GRM5: variants seen among roughly 807,000 people sequenced by gnomAD.
The protein encoded by GRM5 is glutamate metabotropic receptor 5, also known as metabotropic glutamate receptor 5.
A neutral mutation model predicts 83.1 loss-of-function variants in GRM5; 19 were observed. The ratio of observed to expected loss-of-function variants is 0.23; its 90% CI spans 0.16 to 0.34. The LOEUF (loss-of-function observed/expected upper bound fraction) is 0.34, where lower values mean the gene tolerates loss of function less well. GRM5 is among the 10% of genes least tolerant of loss of function. The pLI, the probability that GRM5 is intolerant of heterozygous loss-of-function variation, is 1.00. For synonymous variants in GRM5, 675 were observed against 633.6 expected, an observed-to-expected ratio of 1.07 and a Z score of -0.98; for missense variants, 1,160 against 1,588.3, an observed-to-expected ratio of 0.73 and a Z score of 4.58.
intron 5 of GRM5, among the ~76,000 whole-genome samples, 199 bp downstream of exon 5, chr11:88,604,519 A>G (rs1938087560): frequency 6.6e-6 from 1 of 152,206 alleles, no homozygotes; most frequent in Admixed American, 6.5e-5. Context: ...CACATTTTGG[A>G]CATCAGCACA....
intron 3 of GRM5, among the ~76,000 whole-genome samples, chr11:88,748,194 C>G (rs1438450972): frequency 1.3e-5 from 2 of 152,126 alleles, no homozygotes; most frequent in Non-Finnish European, 2.9e-5. Context: ...GTCTGATAAA[C>G]AGAGTTGTGT....
intron 3 of GRM5, among the ~76,000 whole-genome samples, chr11:88,713,148 A>C (rs1053268571): frequency 1.3e-5 from 2 of 152,074 alleles, no homozygotes; most frequent in African/African-American, 2.4e-5. Context: ...CCTCTTAGTC[A>C]CAGTGAACAT....
At chr11:88,802,330 C>T (rs1014574380) in intron 3 of GRM5, among the ~76,000 whole-genome samples, 4 of 151,962 alleles carry the variant, frequency 2.6e-5, no homozygotes, top group South Asian at 2.1e-4. Flanking sequence ...TGTATATATA[C>T]TATTTATAGT....
chr11:89,036,889 T>C (rs1306583494), intron 2 of GRM5, among the ~76,000 whole-genome samples: 1 of 152,192 alleles, frequency 6.6e-6, no homozygotes, highest in East Asian at 1.9e-4. Flanking sequence ...CACTCTCATA[T>C]ATTATCATAC....
intron 3 of GRM5, among the ~76,000 whole-genome samples, chr11:88,684,205 G>C (rs1252149617): frequency 6.6e-6 from 1 of 152,180 alleles, no homozygotes; most frequent in Non-Finnish European, 1.5e-5. Context: ...ACTTTGAATA[G>C]GTAGAGAGGA....
Position 88,815,469 on chromosome 11 carries a change from G to A in GRM5, c.911+34437C>T, listed in dbSNP as rs567243731. Among the ~76,000 whole-genome samples the A allele has an allele frequency of 4.7e-4, 72 of 152,282 alleles. 1 individual carries two copies. Among genetic ancestry groups the A allele is most frequent in the Admixed American group, 2.7e-3 (41 of 15,302 alleles). ...GAAAAGAAAGAAGGTTCTTAATTGA[G>A]TTTGTGTTGCTATAACAGAATACCA... On this transcript the variant is annotated intron_variant, in intron 3 of 9. Transcript: ENST00000305447.
intron 4 of GRM5, among the ~76,000 whole-genome samples, chr11:88,632,531 T>C (rs1939004500): frequency 6.6e-6 from 1 of 152,106 alleles, no homozygotes; most frequent in Non-Finnish European, 1.5e-5. Flanking sequence ...ATTTTTGCTG[T>C]GTTGTTGGGT....
chr11:88,723,816 C>CTCTT (rs1186514994), intron 3 of GRM5, among the ~76,000 whole-genome samples: 8 of 152,208 alleles, frequency 5.3e-5, no homozygotes, highest in Admixed American at 5.2e-4. Context: ...TCACTTCAGG[C>CTCTT]TCTTTGTTCA....
chr11:88,785,940 C>A (rs1218365557), intron 3 of GRM5, among the ~76,000 whole-genome samples: 1 of 151,978 alleles, frequency 6.6e-6, no homozygotes, highest in East Asian at 1.9e-4. Context: ...TAAATGTTAC[C>A]TATTCATATA....
intron 2 of GRM5, among the ~76,000 whole-genome samples, chr11:88,955,143 C>A (rs1938569940): frequency 6.6e-6 from 1 of 152,110 alleles, no homozygotes. Context: ...TATACACACA[C>A]AATCAAAAGC....
intron 2 of GRM5, among the ~76,000 whole-genome samples, chr11:88,940,935 T>C (rs1227269617): frequency 6.6e-6 from 1 of 152,044 alleles, no homozygotes; most frequent in African/African-American, 2.4e-5. Flanking sequence ...CACTTACATG[T>C]GCACTCATAT....
intron 2 of GRM5, among the ~76,000 whole-genome samples, chr11:89,019,710 A>C (rs1409684227): frequency 6.6e-6 from 1 of 152,036 alleles, no homozygotes; most frequent in Non-Finnish European, 1.5e-5. Flanking sequence ...TCTGTCAAAC[A>C]ACAACAACAA....
chr11:88,879,435 A>G (rs1944914072), intron 2 of GRM5, among the ~76,000 whole-genome samples: 1 of 151,582 alleles, frequency 6.6e-6, no homozygotes, highest in Admixed American at 6.6e-5. Flanking sequence ...TATTAATATT[A>G]TATTAATAAT....
At chr11:88,533,905 T>A (rs892648354) in intron 8 of GRM5, among the ~76,000 whole-genome samples, 1 of 152,092 alleles carries the variant, frequency 6.6e-6, no homozygotes. Flanking sequence ...GTGCCCTGCA[T>A]CCCAGCCACT....
intron 3 of GRM5, among the ~76,000 whole-genome samples, chr11:88,653,951 A>G (rs1939702707): frequency 6.6e-6 from 1 of 152,074 alleles, no homozygotes; most frequent in African/African-American, 2.4e-5. Flanking sequence ...ACTCTATTCA[A>G]TGTTGATTTC....
intron 2 of GRM5, among the ~76,000 whole-genome samples, chr11:89,023,896 A>T (rs1435374472): frequency 2.5e-4 from 32 of 129,206 alleles, no homozygotes; most frequent in African/African-American, 6.6e-4. Flanking sequence ...TAAATAAATA[A>T]AAATAAATTT....
chr11:88,862,271 T>G (rs1319045066), intron 2 of GRM5, among the ~76,000 whole-genome samples: 1 of 152,156 alleles, frequency 6.6e-6, no homozygotes, highest in East Asian at 1.9e-4. Flanking sequence ...AATTACAAAA[T>G]TATATGTATT....
intron 2 of GRM5, among the ~76,000 whole-genome samples, chr11:89,040,737 A>G (rs765966210): frequency 9.9e-5 from 15 of 151,946 alleles, no homozygotes; most frequent in Non-Finnish European, 1.9e-4. Context: ...GGAGAGAGAC[A>G]AAGAAAAGGG....
intron 4 of GRM5, among the ~76,000 whole-genome samples, chr11:88,640,670 G>C (rs117575430): frequency 0.011 from 1,745 of 152,278 alleles, 31 homozygotes; most frequent in African/African-American, 0.038. Flanking sequence ...CTCTGGTTGG[G>C]TTCAGTTGAT....
Sources: gnomAD v4.1 joint callset for allele counts (sites outside exome capture counted in the v4.1 genomes callset) on GRCh38, gnomAD v4.1.1 for gene constraint, MANE v1.5 for transcripts, NCBI Gene and HGNC (gene_info 2026-07-23, HGNC 2026-07-21) for gene names.